Variants in CEP128 observed in about 807,000 individuals in gnomAD.
The protein encoded by CEP128 is centrosomal protein 128, also known as centrosomal protein 128kDa.
CEP128 carries 132 observed loss-of-function variants against 156.7 expected under a neutral mutation model. The observed-to-expected ratio is 0.84, with a 90% CI of 0.73 to 0.97. The LOEUF is 0.97. Ranked by LOEUF, CEP128 falls within the 50% of genes least tolerant of loss-of-function variation. The probability of loss-of-function intolerance (pLI) is 0.00; values close to 1 mark genes in which losing one functional copy is unlikely to be tolerated. For synonymous variants in CEP128, 469 were observed against 448.9 expected, an observed-to-expected ratio of 1.04 and a Z score of -0.57; for missense variants, 1,252 against 1,281.9, an observed-to-expected ratio of 0.98 and a Z score of 0.36.
At chr14:80,913,057 T>C (rs987248184) in intron 4 of CEP128, among the ~76,000 whole-genome samples, 3 of 152,198 alleles carry the variant, frequency 2.0e-5, no homozygotes, top group Non-Finnish European at 2.9e-5. Flanking sequence ...AAATACATTA[T>C]TAACTTTATT....
At chr14:80,679,771 C>G (rs1896239242) in intron 19 of CEP128, among the ~76,000 whole-genome samples, 1 of 148,346 alleles carries the variant, frequency 6.7e-6, no homozygotes, top group Non-Finnish European at 1.5e-5. Context: ...GTGAACTACT[C>G]CCTGTTTACA....
intron 19 of CEP128, among the ~76,000 whole-genome samples, chr14:80,581,619 T>C (rs1891596563): frequency 6.6e-6 from 1 of 152,206 alleles, no homozygotes; most frequent in Non-Finnish European, 1.5e-5. Flanking sequence ...GGATAAGAGA[T>C]TGTTTCTATT....
chr14:80,661,354 C>T (rs1895395465), intron 19 of CEP128, among the ~76,000 whole-genome samples: 2 of 152,052 alleles, frequency 1.3e-5, no homozygotes, highest in African/African-American at 4.8e-5. Context: ...GATCTTAAAG[C>T]CATCATCAAT....
At chr14:80,900,353 C>T (rs527440978) in intron 6 of CEP128, among the ~76,000 whole-genome samples, 18 of 152,168 alleles carry the variant, frequency 1.2e-4, no homozygotes, top group African/African-American at 3.6e-4. Context: ...AGGAGAAAAC[C>T]GGTCTGCCAA....
At chr14:80,489,603 T>A (rs1566735430), downstream of CEP128, among the ~76,000 whole-genome samples, 1 of 152,106 alleles carries the variant, frequency 6.6e-6, no homozygotes, top group Non-Finnish European at 1.5e-5. Flanking sequence ...CTCAATTTGC[T>A]GCTCTAAAGG....
intron 16 of CEP128, among the ~76,000 whole-genome samples, chr14:80,769,024 A>G (rs2139723603): frequency 6.6e-6 from 1 of 152,340 alleles, no homozygotes; most frequent in East Asian, 1.9e-4. Context: ...ATGCCTGGAA[A>G]TAGAAATAAC....
At chr14:80,614,939 C>T (rs28376824) in intron 19 of CEP128, among the ~76,000 whole-genome samples, 4,415 of 152,278 alleles carry the variant, frequency 0.029, 223 homozygotes, top group African/African-American at 0.1. Flanking sequence ...ATCAAATGTA[C>T]AGCTCAATGA....
chr14:80,530,988 C>A, intron 21 of CEP128, 102 bp from the exon 22 acceptor site: 3 of 565,624 alleles, frequency 5.3e-6, no homozygotes, highest in Non-Finnish European at 3.1e-6. Context: ...AGAAGCAGTT[C>A]AAACTGTAGA....
chr14:80,546,364 C>A (rs1256986974), intron 21 of CEP128, among the ~76,000 whole-genome samples: 1 of 152,172 alleles, frequency 6.6e-6, no homozygotes, highest in Non-Finnish European at 1.5e-5. Flanking sequence ...ATCAGGTCTT[C>A]TAACTCCCAT....
intron 19 of CEP128, among the ~76,000 whole-genome samples, chr14:80,677,945 A>G (rs1353960544): frequency 1.3e-5 from 2 of 151,738 alleles, no homozygotes; most frequent in African/African-American, 2.4e-5. Context: ...AAACCACAAT[A>G]AACCAATTTA....
chr14:80,780,803 C>G (rs1219715413), intron 15 of CEP128, among the ~76,000 whole-genome samples: 1 of 152,190 alleles, frequency 6.6e-6, no homozygotes, highest in African/African-American at 2.4e-5. Context: ...TGAGCATCTT[C>G]TGTATGTCTG....
chr14:80,584,849 G>A (rs1211870919), intron 19 of CEP128, among the ~76,000 whole-genome samples: 1 of 152,128 alleles, frequency 6.6e-6, no homozygotes, highest in Non-Finnish European at 1.5e-5. Flanking sequence ...TGAAAGAGCT[G>A]AAGGTCTGCT....
At chr14:80,509,902 T>C (rs1410712658) in intron 23 of CEP128, among the ~76,000 whole-genome samples, 1 of 152,212 alleles carries the variant, frequency 6.6e-6, no homozygotes, top group Non-Finnish European at 1.5e-5. Flanking sequence ...CAATGTATGT[T>C]CTTGGAAACT....
At chr14:80,951,999 G>T (rs1226055844) in intron 2 of CEP128, among the ~76,000 whole-genome samples, 1 of 151,950 alleles carries the variant, frequency 6.6e-6, no homozygotes, top group Non-Finnish European at 1.5e-5. Context: ...ACTTTAAATT[G>T]CATGAAGAAA....
chr14:80,586,685 G>C (rs1452939263), intron 19 of CEP128, among the ~76,000 whole-genome samples: 2 of 152,172 alleles, frequency 1.3e-5, no homozygotes, highest in Non-Finnish European at 2.9e-5. Flanking sequence ...TCAGTTTTGG[G>C]AGATGACGTC....
intron 13 of CEP128, among the ~76,000 whole-genome samples, chr14:80,813,479 ATGT>A (rs1884677376): frequency 6.6e-6 from 1 of 152,102 alleles, no homozygotes. Context: ...GTTCATCCAA[ATGT>A]TGTGAAGATT....
At chr14:80,778,631 GA>G (rs1900931733) in intron 15 of CEP128, among the ~76,000 whole-genome samples, 1 of 152,072 alleles carries the variant, frequency 6.6e-6, no homozygotes, top group Non-Finnish European at 1.5e-5. Flanking sequence ...AACTTAAAAT[GA>G]AAAAGTTTAC....
intron 8 of CEP128, among the ~76,000 whole-genome samples, chr14:80,885,640 T>C (rs80066016): frequency 2.0e-5 from 3 of 151,922 alleles, no homozygotes; most frequent in Admixed American, 6.6e-5. Context: ...GCATCAAAGA[T>C]CAAAGGTAGA....
chr14:80,856,565 G>A (rs1887169489), intron 9 of CEP128, among the ~76,000 whole-genome samples: 1 of 151,948 alleles, frequency 6.6e-6, no homozygotes, highest in African/African-American at 2.4e-5. Context: ...GATCGCTTGA[G>A]CCTGGGAGGT....
Sources: gnomAD v4.1 joint callset for allele counts (sites outside exome capture counted in the v4.1 genomes callset) on GRCh38, gnomAD v4.1.1 for gene constraint, MANE v1.5 for transcripts, NCBI Gene and HGNC (gene_info 2026-07-23, HGNC 2026-07-21) for gene names.